Variants in CDK5RAP2 observed in about 807,000 individuals in gnomAD.
The protein encoded by CDK5RAP2 is CDK5 regulatory subunit associated protein 2.
In CDK5RAP2, 147 loss-of-function variants were observed where a neutral mutation model predicts 232.9. That is an observed-to-expected ratio of 0.63 (90% CI 0.55 to 0.72). The LOEUF is 0.72. Ranked by LOEUF, CDK5RAP2 falls within the 30% of genes least tolerant of loss-of-function variation. The pLI, the probability that CDK5RAP2 is intolerant of heterozygous loss-of-function variation, is 0.00. For synonymous variants in CDK5RAP2, 833 were observed against 833.7 expected, an observed-to-expected ratio of 1.00 and a Z score of 0.01; for missense variants, 2,195 against 2,231.5, an observed-to-expected ratio of 0.98 and a Z score of 0.33.
intron 1 of CDK5RAP2, among the ~76,000 whole-genome samples, chr9:120,577,238 T>C (rs1344362579): frequency 6.6e-6 from 1 of 151,954 alleles, no homozygotes; most frequent in African/African-American, 2.4e-5. Context: ...GGGGCATGCC[T>C]GTAGTCCCGG....
rs944161306 is a variant in CDK5RAP2, at chr9:120,448,118, C to G, written c.2802G>C (p.Lys934Asn). ...TTATTAGGATTGGCAAGCGGGACTT[C>G]TTAGCCTCCTGAAAACACACATATG... ...SLPGITNREA[K>N]KSRLPILIKP... Residue 934 changes from lysine (K) to asparagine (N), a missense_variant, in exon 22 of 38, where the codon AAG becomes AAC. Lys to Asn is a moderately conservative substitution (Grantham distance 94, BLOSUM62 0). Coordinates refer to ENST00000349780, the MANE Select transcript of CDK5RAP2 (RefSeq NM_018249.6). The G allele has an allele frequency of 3.1e-6, 5 of 1,613,094 alleles. No individual in the cohort carries two copies. Among genetic ancestry groups the G allele is most frequent in the Non-Finnish European group, 4.2e-6 (5 of 1,179,150 alleles).
chr9:120,408,666 GC>G (rs1481611373), intron 30 of CDK5RAP2, among the ~76,000 whole-genome samples, 198 bp from the exon 31 acceptor site: 4 of 152,176 alleles, frequency 2.6e-5, no homozygotes, highest in African/African-American at 9.7e-5. Flanking sequence ...GGCTTCCCAT[GC>G]CACTCAGAGG....
At chr9:120,578,285 A>T (rs910980724) in intron 1 of CDK5RAP2, among the ~76,000 whole-genome samples, 1 of 152,170 alleles carries the variant, frequency 6.6e-6, no homozygotes, top group East Asian at 1.9e-4. Flanking sequence ...AATAAATAAA[A>T]AATAGTTTTC....
chr9:120,567,680 T>G (rs1443454804), intron 3 of CDK5RAP2, among the ~76,000 whole-genome samples: 2 of 152,152 alleles, frequency 1.3e-5, no homozygotes, highest in African/African-American at 2.4e-5. Flanking sequence ...TAATCCATTC[T>G]CAGAAAGAAA....
chr9:120,530,282 T>G, intron 7 of CDK5RAP2, 142 bp from the exon 8 acceptor site: 1 of 644,124 alleles, frequency 1.6e-6, no homozygotes, highest in Non-Finnish European at 2.7e-6. Flanking sequence ...ATTTTGCAGG[T>G]AGGAGATTAA....
intron 2 of CDK5RAP2, among the ~76,000 whole-genome samples, chr9:120,570,149 C>G (rs576976293): frequency 9.9e-5 from 15 of 152,020 alleles, no homozygotes; most frequent in Non-Finnish European, 1.9e-4. Context: ...GCATGGTGTT[C>G]GGAAACCACT....
intron 15 of CDK5RAP2, among the ~76,000 whole-genome samples, chr9:120,475,546 A>C (rs2037958881): frequency 6.6e-6 from 1 of 152,010 alleles, no homozygotes; most frequent in African/African-American, 2.4e-5. Flanking sequence ...TCCCTCTGTG[A>C]GTTTCCACAC....
intron 18 of CDK5RAP2, among the ~76,000 whole-genome samples, chr9:120,467,656 T>C (rs984023530): frequency 2.0e-5 from 3 of 151,808 alleles, no homozygotes; most frequent in Non-Finnish European, 4.4e-5. Context: ...GTTTTGATGG[T>C]TTTTTTTGAG....
At chr9:120,400,643 G>A in intron 35 of CDK5RAP2, 99 bp downstream of exon 35, 1 of 1,445,990 alleles carries the variant, frequency 6.9e-7, no homozygotes, top group East Asian at 2.3e-5. Flanking sequence ...ACCCCAAATG[G>A]TGGGCACATC....
chr9:120,406,707 C>T, intron 32 of CDK5RAP2: 1 of 392,436 alleles, frequency 2.5e-6, no homozygotes, highest in South Asian at 5.7e-5. Context: ...GAAATTTCAG[C>T]ATCAAAGTGA....
At chr9:120,468,113 T>C in intron 17 of CDK5RAP2, 116 bp from the exon 18 acceptor site, 1 of 965,104 alleles carries the variant, frequency 1.0e-6, no homozygotes, top group Non-Finnish European at 1.6e-6. Flanking sequence ...TTACGGGGAA[T>C]CAGGCTGATT....
chr9:120,542,688 TG>T (rs2041686128), intron 5 of CDK5RAP2, among the ~76,000 whole-genome samples: 1 of 152,216 alleles, frequency 6.6e-6, no homozygotes, highest in Non-Finnish European at 1.5e-5. Context: ...CCTTCCTGGC[TG>T]GGAGTCATGG....
chr9:120,410,986 C>T (rs1355347106), intron 29 of CDK5RAP2, among the ~76,000 whole-genome samples: 1 of 152,166 alleles, frequency 6.6e-6, no homozygotes, highest in Non-Finnish European at 1.5e-5. Context: ...GAGATTTTGG[C>T]AGTATTATAT....
chr9:120,501,472 T>C (rs748381339), intron 12 of CDK5RAP2, among the ~76,000 whole-genome samples: 1 of 152,222 alleles, frequency 6.6e-6, no homozygotes, highest in Non-Finnish European at 1.5e-5. Context: ...TTGTGTATTT[T>C]GTTTGCTGCT....
chr9:120,408,568 G>A, intron 30 of CDK5RAP2, 100 bp from the exon 31 acceptor site: 2 of 1,295,212 alleles, frequency 1.5e-6, no homozygotes, highest in Non-Finnish European at 2.2e-6. Flanking sequence ...TCAGTCACAA[G>A]AGTGTGGACC....
Position 120,525,422 on chromosome 9 carries a change from C to T in CDK5RAP2, c.1000-344G>A, listed in dbSNP as rs116964937. The stretch of plus-strand genomic sequence containing the variant: ...CTGTCCATATAGATGACCTACCCAA[C>T]ACCTAGCCTGGGTATTCCCCAAATT... On this transcript the variant is annotated intron_variant, in intron 10 of 37. Coordinates refer to ENST00000349780, the MANE Select transcript of CDK5RAP2 (RefSeq NM_018249.6). Among the ~76,000 whole-genome samples, 3 of 152,308 alleles carry T rather than the reference C, an allele frequency of 2.0e-5. No homozygotes were observed. In the East Asian group the frequency reaches 5.8e-4, roughly 29 times the overall value.
chr9:120,519,214 C>T (rs2040507674), intron 11 of CDK5RAP2, among the ~76,000 whole-genome samples: 1 of 151,552 alleles, frequency 6.6e-6, no homozygotes, highest in Non-Finnish European at 1.5e-5. Context: ...AAGAAAAGCA[C>T]AAATTTTCAC....
intron 25 of CDK5RAP2, among the ~76,000 whole-genome samples, chr9:120,427,064 T>C (rs2034953232): frequency 6.6e-6 from 1 of 152,108 alleles, no homozygotes; most frequent in African/African-American, 2.4e-5. Context: ...CAATTTTAAT[T>C]TTGGTTGATG....
chr9:120,499,211 C>T (rs147671545), intron 12 of CDK5RAP2, among the ~76,000 whole-genome samples: 11 of 152,080 alleles, frequency 7.2e-5, no homozygotes, highest in Non-Finnish European at 1.6e-4. Context: ...AGTAGTATGT[C>T]TGGGAATTGC....
Sources: gnomAD v4.1 joint callset for allele counts (sites outside exome capture counted in the v4.1 genomes callset) on GRCh38, gnomAD v4.1.1 for gene constraint, MANE v1.5 for transcripts, NCBI Gene and HGNC (gene_info 2026-07-23, HGNC 2026-07-21) for gene names.